NPHP1: variants seen among roughly 807,000 people sequenced by gnomAD.
NPHP1 encodes the protein nephrocystin-1.
NPHP1 carries 70 observed loss-of-function variants against 90.4 expected under a neutral mutation model. The observed-to-expected ratio is 0.77, with a 90% CI of 0.64 to 0.95. The LOEUF (loss-of-function observed/expected upper bound fraction) is 0.95, where lower values mean the gene tolerates loss of function less well. Ranked by LOEUF, NPHP1 falls within the 40% of genes least tolerant of loss-of-function variation. The pLI, the probability that NPHP1 is intolerant of heterozygous loss-of-function variation, is 0.00. For synonymous variants in NPHP1, 256 were observed against 271.7 expected, an observed-to-expected ratio of 0.94 and a Z score of 0.57; for missense variants, 764 against 795.9, an observed-to-expected ratio of 0.96 and a Z score of 0.48.
intron 19 of NPHP1, 30 bp from the exon 20 acceptor site, chr2:110,124,093 T>C (rs572695293): frequency 1.7e-5 from 27 of 1,610,700 alleles, no homozygotes; most frequent in East Asian, 4.5e-5. Context: ...ACAAATAACA[T>C]TGTTATTTTT....
At chr2:110,150,939 G>A (rs1009275407) in intron 11 of NPHP1, among the ~76,000 whole-genome samples, 3 of 151,248 alleles carry the variant, frequency 2.0e-5, no homozygotes, top group African/African-American at 7.3e-5. Context: ...GTTGAGGCAG[G>A]TGGATTACAT....
intron 18 of NPHP1, chr2:110,128,957 A>C: frequency 1.8e-6 from 1 of 562,728 alleles, no homozygotes; most frequent in Non-Finnish European, 3.2e-6. Flanking sequence ...CAAAGATTGC[A>C]ATAGTGTACA....
chr2:110,196,059 A>T (rs890641111), intron 2 of NPHP1, among the ~76,000 whole-genome samples: 1 of 152,118 alleles, frequency 6.6e-6, no homozygotes, highest in Non-Finnish European at 1.5e-5. Context: ...CCCTAGAAGA[A>T]AACCTAGGCA....
Position 110,164,683 on chromosome 2 carries a change from C to T in NPHP1, c.771+5G>A, listed in dbSNP as rs1164350552. The stretch of plus-strand genomic sequence containing the variant: ...GACATGATTAACAAGACAGAAGATG[C>T]CCGCCTCTGAAATCGCTTTCTGAAC... On this transcript the variant is annotated splice_donor_5th_base_variant and intron_variant, in intron 8 of 19. Coordinates refer to ENST00000445609, the MANE Select transcript of NPHP1 (RefSeq NM_001128178.3). 2 of 1,614,008 alleles carry T rather than the reference C, an allele frequency of 1.2e-6. No individual in the cohort carries two copies. Among genetic ancestry groups the T allele is most frequent in the African/African-American group, 2.7e-5 (2 of 75,002 alleles).
At chr2:110,128,075 A>G (rs1679496288) in intron 18 of NPHP1, 1 of 152,138 alleles carries the variant, frequency 6.6e-6, no homozygotes, top group Non-Finnish European at 1.5e-5. Context: ...TTTCTTAAAC[A>G]TCTCTGTTGA....
chr2:110,156,927 C>T (rs1342703002), intron 11 of NPHP1, among the ~76,000 whole-genome samples: 1 of 152,056 alleles, frequency 6.6e-6, no homozygotes, highest in Non-Finnish European at 1.5e-5. Context: ...CAGGCACACG[C>T]CACCACGTCC....
At chr2:110,174,739 CT>C (rs1276064984) in intron 4 of NPHP1, among the ~76,000 whole-genome samples, 3 of 149,902 alleles carry the variant, frequency 2.0e-5, no homozygotes, top group African/African-American at 7.3e-5. Context: ...TGACACCTGC[CT>C]TTTTTTTTCA....
intron 16 of NPHP1, among the ~76,000 whole-genome samples, chr2:110,142,235 C>G (rs749963669): frequency 1.3e-5 from 2 of 152,054 alleles, no homozygotes; most frequent in Non-Finnish European, 2.9e-5. Flanking sequence ...AAAGGGAATT[C>G]AGATGCTCCT....
intron 10 of NPHP1, among the ~76,000 whole-genome samples, chr2:110,161,178 A>ACTACTG (rs1283873583): frequency 6.7e-6 from 1 of 150,188 alleles, no homozygotes; most frequent in Non-Finnish European, 1.5e-5. Context: ...AAATACTACT[A>ACTACTG]CTACTGCTAC....
chr2:110,170,275 T>G (rs1007785719), intron 4 of NPHP1, among the ~76,000 whole-genome samples: 3 of 152,170 alleles, frequency 2.0e-5, no homozygotes, highest in African/African-American at 7.2e-5. Flanking sequence ...ATTCATCCAT[T>G]CAGAAAATGC....
intron 2 of NPHP1, among the ~76,000 whole-genome samples, chr2:110,183,330 T>C (rs1373085803): frequency 3.3e-5 from 5 of 152,130 alleles, no homozygotes; most frequent in Non-Finnish European, 7.4e-5. Context: ...CCACAAACAA[T>C]AGCATGAGCG....
At chr2:110,181,063 C>T (rs1683870599) in intron 2 of NPHP1, among the ~76,000 whole-genome samples, 1 of 152,208 alleles carries the variant, frequency 6.6e-6, no homozygotes, top group African/African-American at 2.4e-5. Flanking sequence ...CCCCCACTTC[C>T]ATGGCAACTC....
At chr2:110,164,177 C>G in intron 8 of NPHP1, 1 of 325,764 alleles carries the variant, frequency 3.1e-6, no homozygotes, top group Non-Finnish European at 5.8e-6. Context: ...GCTGGGACTA[C>G]AGGCATGAGC....
At chr2:110,156,571 G>A (rs572428074) in intron 11 of NPHP1, among the ~76,000 whole-genome samples, 177 of 152,174 alleles carry the variant, frequency 1.2e-3, no homozygotes, top group African/African-American at 3.8e-3. Context: ...CTAAAGGCTT[G>A]AGGCTCCTCT....
intron 4 of NPHP1, among the ~76,000 whole-genome samples, chr2:110,174,671 A>G (rs1271762156): frequency 1.3e-5 from 2 of 152,100 alleles, no homozygotes; most frequent in Non-Finnish European, 2.9e-5. Flanking sequence ...GACATACACA[A>G]AGCAGCAAAA....
intron 18 of NPHP1, chr2:110,128,945 G>T: frequency 1.9e-6 from 1 of 523,608 alleles, no homozygotes; most frequent in Admixed American, 3.4e-5. Context: ...GGAAAAAATG[G>T]GCAAAGATTG....
chr2:110,156,830 G>A (rs1681933309), intron 11 of NPHP1, among the ~76,000 whole-genome samples: 3 of 150,476 alleles, frequency 2.0e-5, no homozygotes. Context: ...AGGCTGGAGT[G>A]CAGTGGCGCA....
At chr2:110,183,664 T>C (rs1344884437) in intron 2 of NPHP1, among the ~76,000 whole-genome samples, 1 of 152,124 alleles carries the variant, frequency 6.6e-6, no homozygotes. Context: ...AGCAAGTTCT[T>C]ATGATTTTCA....
intron 16 of NPHP1, among the ~76,000 whole-genome samples, chr2:110,133,268 CA>C (rs1679921574): frequency 6.6e-6 from 1 of 151,994 alleles, no homozygotes; most frequent in Non-Finnish European, 1.5e-5. Flanking sequence ...ATATTAATAT[CA>C]GACAAAATAG....
Sources: allele counts gnomAD v4.1 joint callset (sites outside exome capture counted in the v4.1 genomes callset), GRCh38; gene constraint gnomAD v4.1.1; transcripts MANE v1.5; gene names NCBI Gene and HGNC (gene_info 2026-07-23, HGNC 2026-07-21).